Variants in ELMO1 observed in about 807,000 individuals in gnomAD.
The protein encoded by ELMO1 is engulfment and cell motility 1.
In ELMO1, 26 loss-of-function variants were observed where a neutral mutation model predicts 98.9. The observed-to-expected ratio is 0.26, with a 90% CI of 0.19 to 0.36. The LOEUF is 0.36. ELMO1 is among the 10% of genes least tolerant of loss of function. The pLI is 1.00. For synonymous variants in ELMO1, 346 were observed against 346.0 expected (o/e 1.00, Z 0.00); for missense variants, 627 against 935.2 (o/e 0.67, Z 4.30).
intron 14 of ELMO1, among the ~76,000 whole-genome samples, chr7:37,107,941 GGA>G (rs779890683): frequency 2.6e-5 from 4 of 152,266 alleles, no homozygotes; most frequent in South Asian, 4.2e-4. Context: ...GGAAAGGTGA[GGA>G]GAGAGAACTA....
intron 15 of ELMO1, among the ~76,000 whole-genome samples, chr7:37,032,196 C>T (rs924943159): frequency 2.0e-5 from 3 of 152,170 alleles, no homozygotes; most frequent in Admixed American, 6.6e-5. Context: ...ACAAAAAGAA[C>T]TTGCTCTCCC....
chr7:37,226,763 G>A (rs111632882), intron 8 of ELMO1, among the ~76,000 whole-genome samples: 4 of 151,998 alleles, frequency 2.6e-5, no homozygotes, highest in Admixed American at 6.6e-5. Context: ...AGCACCCTCC[G>A]CCTCCATCTT....
chr7:36,917,924 A>G (rs1404179308), intron 16 of ELMO1, among the ~76,000 whole-genome samples: 1 of 152,266 alleles, frequency 6.6e-6, no homozygotes, highest in African/African-American at 2.4e-5. Context: ...CAACATAGAT[A>G]TATCTGAAAA....
chr7:37,320,652 ATCTC>A (rs1249420804), intron 2 of ELMO1, among the ~76,000 whole-genome samples: 3 of 152,182 alleles, frequency 2.0e-5, no homozygotes, highest in Non-Finnish European at 4.4e-5. Context: ...TATCTATCTT[ATCTC>A]TCTGTCCCTT....
At chr7:37,228,419 G>A (rs1793983996) in intron 8 of ELMO1, among the ~76,000 whole-genome samples, 2 of 152,068 alleles carry the variant, frequency 1.3e-5, no homozygotes, top group East Asian at 3.8e-4. Context: ...CTCCATTACT[G>A]TACTTTTGGG....
intron 15 of ELMO1, among the ~76,000 whole-genome samples, chr7:37,056,888 T>C (rs1289557401): frequency 1.3e-5 from 2 of 152,236 alleles, no homozygotes; most frequent in Non-Finnish European, 2.9e-5. Flanking sequence ...ACTGCACCTC[T>C]GAATAGGTTC....
intron 16 of ELMO1, among the ~76,000 whole-genome samples, chr7:37,003,592 C>T (rs1416433538): frequency 1.3e-5 from 2 of 152,128 alleles, no homozygotes; most frequent in Admixed American, 1.3e-4. Flanking sequence ...AATCTTGACC[C>T]ATAAGTCACT....
chr7:37,193,883 A>G (rs958464976), intron 13 of ELMO1, among the ~76,000 whole-genome samples: 6 of 152,190 alleles, frequency 3.9e-5, no homozygotes, highest in African/African-American at 9.7e-5. Flanking sequence ...ATGTGACTCT[A>G]GTACACACTT....
Position 37,008,438 on chromosome 7 carries a change from G to T in ELMO1, c.1437+4861C>A, listed in dbSNP as rs541959144. Among the ~76,000 whole-genome samples, 336 of 151,986 alleles carry T rather than the reference G, an allele frequency of 2.2e-3. 1 individual carries two copies. Among genetic ancestry groups the T allele is most frequent in the African/African-American group, 7.9e-3 (328 of 41,478 alleles). ...GCCTATTTTTGTCAAAGTTACATGG[G>T]TTACTAATTCAGTTCAGAATTTACT... On this transcript the variant is annotated intron_variant, in intron 16 of 21. Coordinates refer to ENST00000310758, the MANE Select transcript of ELMO1 (RefSeq NM_014800.11).
intron 1 of ELMO1, among the ~76,000 whole-genome samples, chr7:37,430,057 T>G (rs963682568): frequency 6.6e-6 from 1 of 152,174 alleles, no homozygotes; most frequent in South Asian, 2.1e-4. Context: ...TCCACATTTA[T>G]AAATAGCTGA....
intron 15 of ELMO1, among the ~76,000 whole-genome samples, chr7:37,079,884 T>C (rs997683282): frequency 7.2e-5 from 11 of 152,192 alleles, no homozygotes; most frequent in Admixed American, 5.9e-4. Context: ...TTAACTATTA[T>C]CTATATACTG....
At chr7:37,092,894 G>C (rs928657007) in intron 15 of ELMO1, among the ~76,000 whole-genome samples, 9 of 150,888 alleles carry the variant, frequency 6.0e-5, no homozygotes, top group Non-Finnish European at 1.5e-5. Flanking sequence ...TCTTGCCTCT[G>C]TCTACACTGT....
At chr7:37,156,593 C>A (rs949749188) in intron 13 of ELMO1, among the ~76,000 whole-genome samples, 6 of 152,182 alleles carry the variant, frequency 3.9e-5, no homozygotes, top group African/African-American at 1.4e-4. Flanking sequence ...AATTCGTGGA[C>A]ACATACACCC....
chr7:37,397,594 A>C (rs1803352458), intron 1 of ELMO1, among the ~76,000 whole-genome samples: 1 of 152,222 alleles, frequency 6.6e-6, no homozygotes, highest in Non-Finnish European at 1.5e-5. Context: ...GGACAATACG[A>C]TTCCTCAAAG....
intron 2 of ELMO1, among the ~76,000 whole-genome samples, chr7:37,321,545 G>A (rs896650895): frequency 6.6e-6 from 1 of 151,302 alleles, no homozygotes; most frequent in South Asian, 2.1e-4. Flanking sequence ...TTGAAACCCC[G>A]TCTCTACTAA....
intron 16 of ELMO1, among the ~76,000 whole-genome samples, chr7:36,935,226 GCT>G (rs1786416888): frequency 2.0e-5 from 3 of 152,074 alleles, no homozygotes; most frequent in Non-Finnish European, 2.9e-5. Flanking sequence ...CTTTTGCTTG[GCT>G]CTTACTCTTC....
At chr7:37,445,693 C>T (rs984965573) in intron 1 of ELMO1, among the ~76,000 whole-genome samples, 10 of 151,994 alleles carry the variant, frequency 6.6e-5, no homozygotes, top group Admixed American at 4.6e-4. Context: ...CTGCAGAACA[C>T]CTTAATGTTT....
At chr7:36,985,095 T>C in intron 16 of ELMO1, 5 of 985,410 alleles carry the variant, frequency 5.1e-6, no homozygotes, top group Non-Finnish European at 6.0e-6. Context: ...TTGTTCTTCC[T>C]GTTTCTACCC....
rs147899542 is a variant in ELMO1, at chr7:37,013,366, C to G, written c.1370G>C (p.Cys457Ser). The stretch of plus-strand genomic sequence containing the variant: ...CTTGTTCAGGAGCTGGATACAGATG[C>G]AGAAAAACTCCTCAAAGGATCTGTC... Reference protein sequence around the residue: ...THDRSFEEFFCICIQLLNKTW... With the variant: ...THDRSFEEFFSICIQLLNKTW... Residue 457 changes from cysteine (C) to serine (S), a missense_variant, in exon 16 of 22, where the codon TGC becomes TCC. Cys to Ser is a moderately radical substitution (Grantham distance 112). Around this residue, in one of 3 missense-constraint regions of ELMO1, gnomAD observed 492 missense variants for 715.6 expected, o/e 0.69. Coordinates refer to ENST00000310758, the MANE Select transcript of ELMO1 (RefSeq NM_014800.11). The G allele has an allele frequency of 1.7e-3, 2,783 of 1,613,918 alleles. 4 individuals carry two copies. Among genetic ancestry groups the G allele is most frequent in the Non-Finnish European group, 2.2e-3 (2,593 of 1,179,996 alleles).
Sources: gnomAD v4.1 joint callset for allele counts (sites outside exome capture counted in the v4.1 genomes callset) on GRCh38, gnomAD v4.1.1 for gene constraint, gnomAD v4.1.1 regional missense constraint, MANE v1.5 for transcripts, NCBI Gene and HGNC (gene_info 2026-07-23, HGNC 2026-07-21) for gene names.